MBNL2: variants seen among roughly 807,000 people sequenced by gnomAD.
The protein encoded by MBNL2 is muscleblind-like protein 2.
MBNL2 carries 17 observed loss-of-function variants against 41.9 expected under a neutral mutation model. The observed-to-expected ratio is 0.41, with a 90% CI of 0.28 to 0.61. The LOEUF is 0.61. Ranked by LOEUF, MBNL2 falls within the 20% of genes least tolerant of loss-of-function variation. The pLI is 0.35. For missense variants in MBNL2, 336 were observed against 505.6 expected, an observed-to-expected ratio of 0.66 and a Z score of 3.22; for synonymous variants, 195 against 182.9, an observed-to-expected ratio of 1.07 and a Z score of -0.53.
chr13:97,217,953 G>T (rs1449547901), upstream of MBNL2, among the ~76,000 whole-genome samples: 4 of 152,078 alleles, frequency 2.6e-5, no homozygotes, highest in African/African-American at 2.4e-5. Flanking sequence ...TTTGGTTGTT[G>T]GTGATGATAA....
upstream of MBNL2, among the ~76,000 whole-genome samples, chr13:97,217,364 C>A (rs1191632709): frequency 6.6e-6 from 1 of 152,108 alleles, no homozygotes; most frequent in Non-Finnish European, 1.5e-5. Context: ...ATGGTTCATT[C>A]CCTCATAGAT....
intron 1 of MBNL2, among the ~76,000 whole-genome samples, chr13:97,247,711 G>A (rs557950090): frequency 6.6e-6 from 1 of 152,122 alleles, no homozygotes; most frequent in Non-Finnish European, 1.5e-5. Context: ...TGGTTAATTA[G>A]CAATATCATT....
intron 2 of MBNL2, 116 bp downstream of exon 2, chr13:97,276,525 T>C: frequency 1.0e-6 from 1 of 999,064 alleles, no homozygotes; most frequent in Non-Finnish European, 1.5e-6. Flanking sequence ...ATTTTCTTGT[T>C]TGTGGTGACT....
At chr13:97,332,941 G>A (rs115346250) in intron 2 of MBNL2, among the ~76,000 whole-genome samples, 1,761 of 152,282 alleles carry the variant, frequency 0.012, 31 homozygotes, top group African/African-American at 0.04. Context: ...ACAGATGCCC[G>A]GGACTGAACA....
intron 1 of MBNL2, among the ~76,000 whole-genome samples, chr13:97,246,767 A>C (rs1029295299): frequency 1.3e-5 from 2 of 152,192 alleles, no homozygotes; most frequent in African/African-American, 4.8e-5. Flanking sequence ...GCTACAAGAC[A>C]GGCTCCTCCA....
chr13:97,166,837 T>TAGATAGAAAGAAAGAAAGAA, the MBNL2 span, among the ~76,000 whole-genome samples: 457 of 143,444 alleles, frequency 3.2e-3, no homozygotes, highest in Middle Eastern at 0.014. Context: ...GATAGATAGA[T>TAGATAGAAAGAAAGAAAGAA]AGAAAGATAG....
At chr13:97,299,119 C>T (rs2057353572) in intron 2 of MBNL2, among the ~76,000 whole-genome samples, 1 of 152,152 alleles carries the variant, frequency 6.6e-6, no homozygotes, top group Non-Finnish European at 1.5e-5. Context: ...CCACATGACT[C>T]AGAATTTCAC....
intron 3 of MBNL2, among the ~76,000 whole-genome samples, chr13:97,337,584 C>T (rs531469570): frequency 4.6e-5 from 7 of 152,124 alleles, no homozygotes; most frequent in Non-Finnish European, 1.0e-4. Context: ...AGTATGCATC[C>T]AGCCCAACCT....
chr13:97,360,370 G>T (rs1271857491), intron 7 of MBNL2, among the ~76,000 whole-genome samples: 1 of 152,096 alleles, frequency 6.6e-6, no homozygotes, highest in African/African-American at 2.4e-5. Flanking sequence ...GATAATTATT[G>T]CCCTGCTTGA....
chr13:97,309,999 G>C (rs562054474), intron 2 of MBNL2, among the ~76,000 whole-genome samples: 1 of 152,346 alleles, frequency 6.6e-6, no homozygotes, highest in Non-Finnish European at 1.5e-5. Flanking sequence ...ATTGGTGTTT[G>C]AACATTCATT....
intron 8 of MBNL2, among the ~76,000 whole-genome samples, chr13:97,377,744 G>A (rs1211165332): frequency 6.6e-6 from 1 of 152,158 alleles, no homozygotes; most frequent in African/African-American, 2.4e-5. Context: ...ACCTCGTAAC[G>A]TGAAGAATGG....
At chr13:97,165,886 C>T in the MBNL2 span, among the ~76,000 whole-genome samples, 1 of 152,230 alleles carries the variant, frequency 6.6e-6, no homozygotes, top group Non-Finnish European at 1.5e-5. Context: ...CTCTGTATAT[C>T]AAGAGCCTTG....
chr13:97,206,027 AT>A, the MBNL2 span, among the ~76,000 whole-genome samples: 1 of 152,214 alleles, frequency 6.6e-6, no homozygotes, highest in South Asian at 2.1e-4. Flanking sequence ...AAAATGAGTT[AT>A]TTTTGAGATT....
chr13:97,335,702 C>G (rs2060824563), intron 3 of MBNL2, among the ~76,000 whole-genome samples: 1 of 152,080 alleles, frequency 6.6e-6, no homozygotes, highest in Non-Finnish European at 1.5e-5. Flanking sequence ...CGAGACTGGA[C>G]AAGGAAAGCC....
chr13:97,289,770 A>C (rs1389225524), intron 2 of MBNL2, among the ~76,000 whole-genome samples: 1 of 152,224 alleles, frequency 6.6e-6, no homozygotes, highest in Non-Finnish European at 1.5e-5. Flanking sequence ...TGGTAAAGTA[A>C]ATTAAAATGG....
intron 1 of MBNL2, among the ~76,000 whole-genome samples, chr13:97,273,115 C>T (rs890494938): frequency 1.3e-5 from 2 of 152,182 alleles, no homozygotes; most frequent in Non-Finnish European, 2.9e-5. Context: ...CTTTCTTTTC[C>T]TCCATGGGAG....
chr13:97,192,617 G>A, the MBNL2 span, among the ~76,000 whole-genome samples: 3 of 152,320 alleles, frequency 2.0e-5, no homozygotes, highest in Middle Eastern at 6.8e-3. Flanking sequence ...CCATGGTTTG[G>A]CAATCAGGAA....
upstream of MBNL2, among the ~76,000 whole-genome samples, chr13:97,221,794 A>G (rs939678927): frequency 6.6e-6 from 1 of 152,358 alleles, no homozygotes; most frequent in African/African-American, 2.4e-5. Flanking sequence ...TGTGTGCCAG[A>G]GCTATAAGCA....
At position 97,346,237 on chromosome 13, in the gene MBNL2, G is replaced by A. The variant is rs1297747545; in HGVS notation, c.541-567G>A. ...CATTAAAAATAATGATAGATTAACA[G>A]ATAATAGATGGATGGATGGATGGAT... On this transcript the variant is annotated intron_variant, in intron 4 of 8. Transcript: ENST00000679496. This position sits in a 1 kb window ranked among gnomAD's most constrained non-coding sequence, Gnocchi z 4.2. Among the ~76,000 whole-genome samples, 1 of 137,308 alleles carries A rather than the reference G, an allele frequency of 7.3e-6. No individual in the cohort carries two copies. The highest frequency in any genetic ancestry group is 3.3e-5 in the African/African-American group (1 of 30,756). 90.1% of individuals were successfully genotyped at this position (137,308 alleles called of 152,430 possible). A position where few individuals can be genotyped will look rare whatever the true frequency, so the allele number is the denominator to read the frequency against.
Sources: allele counts gnomAD v4.1 joint callset (sites outside exome capture counted in the v4.1 genomes callset), GRCh38; gene constraint gnomAD v4.1.1; non-coding constraint Gnocchi (gnomAD v3.1); transcripts MANE v1.5; gene names NCBI Gene and HGNC (gene_info 2026-07-23, HGNC 2026-07-21).